Variants in NDUFS6 observed in about 807,000 individuals in gnomAD.
NDUFS6 encodes the protein NADH dehydrogenase [ubiquinone] iron-sulfur protein 6, mitochondrial.
NDUFS6 carries 14 observed loss-of-function variants against 13.2 expected under a neutral mutation model. That is an observed-to-expected ratio of 1.06 (90% CI 0.70 to 1.66). The LOEUF (loss-of-function observed/expected upper bound fraction) is 1.66, where lower values mean the gene tolerates loss of function less well. Among genes scored for constraint, NDUFS6 ranks in the 40% most tolerant of loss-of-function variants. NDUFS6 has a pLI of 0.00. For missense variants in NDUFS6, 206 were observed against 170.8 expected (o/e 1.21, Z -1.15); for synonymous variants, 95 against 72.3 (o/e 1.31, Z -1.60).
chr5:1,814,380 CGTGA>C lies in NDUFS6; in HGVS notation c.230_233del (p.Val77AlafsTer7). On this transcript the variant is annotated frameshift_variant, in exon 3 of 4. Coordinates refer to ENST00000274137, the MANE Select transcript of NDUFS6 (RefSeq NM_004553.6). LOFTEE classifies it high-confidence loss of function. The surrounding 1 kb of genome is among the most constrained non-coding windows in gnomAD (Gnocchi z 4.9). ...CCATTGATTTGATAGCAGAGCAGCC[CGTGA>C]GCGAGGTGGAGACTCGGGTGATAGC... is the stretch of plus-strand genomic sequence containing the variant. 6.2e-7 allele frequency: 1 copy of C among 1,614,164 alleles called. No homozygotes were observed. Among genetic ancestry groups the C allele is most frequent in the Non-Finnish European group, 8.5e-7 (1 of 1,180,034 alleles).
At chr5:1,811,243 A>G (rs72704472) in intron 2 of NDUFS6, among the ~76,000 whole-genome samples, 1,581 of 152,350 alleles carry the variant, frequency 0.01, 17 homozygotes, top group Non-Finnish European at 0.015. Context: ...GGGGGAGTCA[A>G]AAATAATATG....
intron 2 of NDUFS6, among the ~76,000 whole-genome samples, chr5:1,808,679 A>G (rs1230868001): frequency 1.3e-5 from 2 of 152,204 alleles, no homozygotes; most frequent in Admixed American, 6.5e-5. Flanking sequence ...CTGGATTCCA[A>G]CATTCTCAAA....
chr5:1,811,627 C>T (rs920427269), intron 2 of NDUFS6, among the ~76,000 whole-genome samples: 2 of 152,218 alleles, frequency 1.3e-5, no homozygotes, highest in Non-Finnish European at 2.9e-5. Flanking sequence ...GAACCTGGGT[C>T]ATTTCCTCTG....
At chr5:1,815,725 C>A in intron 3 of NDUFS6, 126 bp from the exon 4 acceptor site, 1 of 980,476 alleles carries the variant, frequency 1.0e-6, no homozygotes, top group Non-Finnish European at 1.6e-6. Context: ...TGCATTCTTA[C>A]TTCAGTAGTA....
At chr5:1,804,822 A>G (rs992533383) in intron 2 of NDUFS6, among the ~76,000 whole-genome samples, 1 of 152,204 alleles carries the variant, frequency 6.6e-6, no homozygotes, top group Non-Finnish European at 1.5e-5. Flanking sequence ...TGATACTCAT[A>G]CATTATTACT....
At chr5:1,805,534 A>AC (rs1264594074) in intron 2 of NDUFS6, among the ~76,000 whole-genome samples, 3 of 152,194 alleles carry the variant, frequency 2.0e-5, no homozygotes, top group Non-Finnish European at 2.9e-5. Context: ...GAGACTCCTC[A>AC]CGTGCTAAAG....
chr5:1,804,560 T>G (rs1039081307), intron 2 of NDUFS6, among the ~76,000 whole-genome samples: 4 of 152,238 alleles, frequency 2.6e-5, no homozygotes, highest in Admixed American at 2.0e-4. Flanking sequence ...CCTCACACCT[T>G]GGAGGTTCAA....
rs1235013739 is a variant in NDUFS6, at chr5:1,815,942, C to G, written c.*26C>G. On this transcript the variant is annotated 3_prime_UTR_variant, in exon 4 of 4. Coordinates refer to ENST00000274137, the MANE Select transcript of NDUFS6 (RefSeq NM_004553.6). Reference sequence around the variant, plus strand: ...AGCGTGTGGCACGCCGGGGGTCCCGCAGCATCCTGTGAGCATTTCCGCGGG... The same window carrying G: ...AGCGTGTGGCACGCCGGGGGTCCCGGAGCATCCTGTGAGCATTTCCGCGGG... 1 of 1,613,674 alleles carries G rather than the reference C, an allele frequency of 6.2e-7. No individual in the cohort carries two copies. Among genetic ancestry groups the G allele is most frequent in the Non-Finnish European group, 8.5e-7 (1 of 1,179,626 alleles).
chr5:1,805,457 A>G (rs1376494606), intron 2 of NDUFS6, among the ~76,000 whole-genome samples: 1 of 152,264 alleles, frequency 6.6e-6, no homozygotes, highest in Non-Finnish European at 1.5e-5. Context: ...GCTCCTGCCC[A>G]GCTTTGACCG....
At chr5:1,807,620 G>T (rs1419522403) in intron 2 of NDUFS6, among the ~76,000 whole-genome samples, 1 of 152,134 alleles carries the variant, frequency 6.6e-6, no homozygotes, top group African/African-American at 2.4e-5. Flanking sequence ...GGGCCCACGC[G>T]GCACCTCCAG....
intron 2 of NDUFS6, among the ~76,000 whole-genome samples, chr5:1,812,488 G>A (rs1188849273): frequency 3.4e-5 from 2 of 59,456 alleles, no homozygotes; most frequent in East Asian, 5.5e-4. Flanking sequence ...CCAATTCCCT[G>A]TATCCCAGAT....
intron 2 of NDUFS6, among the ~76,000 whole-genome samples, chr5:1,810,153 C>A (rs1000665905): frequency 2.0e-5 from 3 of 152,208 alleles, no homozygotes; most frequent in Admixed American, 1.3e-4. Context: ...TTGTGATGAG[C>A]CCTGTTGCTG....
chr5:1,806,987 A>G (rs983595765), intron 2 of NDUFS6, among the ~76,000 whole-genome samples: 31 of 152,172 alleles, frequency 2.0e-4, no homozygotes, highest in African/African-American at 7.5e-4. Context: ...AACGCTTGAC[A>G]CGCCCCACAA....
chr5:1,807,994 C>T (rs1030310418), intron 2 of NDUFS6, among the ~76,000 whole-genome samples: 1 of 152,128 alleles, frequency 6.6e-6, no homozygotes, highest in African/African-American at 2.4e-5. Context: ...GACTGGGAGT[C>T]GGGGATGGGT....
chr5:1,808,218 C>T (rs746154701), intron 2 of NDUFS6, among the ~76,000 whole-genome samples: 2 of 152,150 alleles, frequency 1.3e-5, no homozygotes, highest in African/African-American at 2.4e-5. Flanking sequence ...GCAACCTGGG[C>T]GTCCTTTAGG....
chr5:1,803,961 GT>G (rs1420214980), intron 2 of NDUFS6, among the ~76,000 whole-genome samples: 2 of 152,134 alleles, frequency 1.3e-5, no homozygotes, highest in Non-Finnish European at 2.9e-5. Flanking sequence ...ATGCGGTATG[GT>G]TTCTTTTAGT....
Position 1,808,513 on chromosome 5 carries a change from G to A in NDUFS6, c.187-5826G>A, listed in dbSNP as rs1184291797. Among the ~76,000 whole-genome samples, 2 of 152,206 alleles carry A rather than the reference G, an allele frequency of 1.3e-5. 1 individual carries two copies. The highest frequency in any genetic ancestry group is 4.8e-5 in the African/African-American group (2 of 41,430). On this transcript the variant is annotated intron_variant, in intron 2 of 3. Transcript: ENST00000274137. The stretch of plus-strand genomic sequence containing the variant: ...AAAATAGTTGGAACTGTGAATTCAC[G>A]AGCCCCAGGTTCACATGCTGGTGGC...
intron 2 of NDUFS6, 106 bp downstream of exon 2, chr5:1,802,480 T>C (rs780514201): frequency 3.3e-6 from 3 of 896,236 alleles, no homozygotes; most frequent in Non-Finnish European, 5.2e-6. Flanking sequence ...TTCCCCATAT[T>C]GCAAGCACCC....
At chr5:1,813,605 A>G (rs1734254314) in intron 2 of NDUFS6, among the ~76,000 whole-genome samples, 1 of 152,172 alleles carries the variant, frequency 6.6e-6, no homozygotes, top group Non-Finnish European at 1.5e-5. Context: ...TTATGGAGAC[A>G]CTTTTTTCAT....
Sources: gnomAD v4.1 joint callset for allele counts (sites outside exome capture counted in the v4.1 genomes callset) on GRCh38, gnomAD v4.1.1 for gene constraint, Gnocchi (gnomAD v3.1) non-coding constraint, MANE v1.5 for transcripts, NCBI Gene and HGNC (gene_info 2026-07-23, HGNC 2026-07-21) for gene names.